Variants in CLCC1 observed in about 807,000 individuals in gnomAD.
CLCC1 encodes chloride channel CLIC like 1.
A neutral mutation model predicts 63.3 loss-of-function variants in CLCC1; 39 were observed. The observed-to-expected ratio is 0.62, with a 90% CI of 0.48 to 0.81. CLCC1 has a LOEUF of 0.81. CLCC1 is among the 30% of genes least tolerant of loss of function. The pLI, the probability that CLCC1 is intolerant of heterozygous loss-of-function variation, is 0.00. For synonymous variants in CLCC1, 217 were observed against 239.8 expected, an observed-to-expected ratio of 0.90 and a Z score of 0.88; for missense variants, 549 against 669.4, an observed-to-expected ratio of 0.82 and a Z score of 1.98.
intron 3 of CLCC1, among the ~76,000 whole-genome samples, 175 bp from the exon 4 acceptor site, chr1:108,950,096 C>A (rs1459725850): frequency 6.6e-6 from 1 of 152,232 alleles, no homozygotes; most frequent in East Asian, 1.9e-4. Context: ...GAACTAAAAT[C>A]ATATTATTTT....
chr1:108,961,833 T>TG (rs1656689110), intron 2 of CLCC1, among the ~76,000 whole-genome samples: 2 of 151,890 alleles, frequency 1.3e-5, no homozygotes, highest in Non-Finnish European at 2.9e-5. Flanking sequence ...CACTCCAGCC[T>TG]GGGCAACAAG....
At chr1:108,939,209 AATAT>A (rs2101634359) in intron 10 of CLCC1, among the ~76,000 whole-genome samples, 1 of 146,246 alleles carries the variant, frequency 6.8e-6, no homozygotes, top group East Asian at 2.0e-4. Context: ...ATAAATATAT[AATAT>A]ATAAATATAT....
chr1:108,945,351 C>T (rs1654404898), intron 5 of CLCC1, among the ~76,000 whole-genome samples: 1 of 152,152 alleles, frequency 6.6e-6, no homozygotes, highest in African/African-American at 2.4e-5. Context: ...TCACCCCTCT[C>T]CCCTCAAAAA....
At chr1:108,954,817 C>CGTGTGTGTGTGTGTGTGTGTGT (rs58482013) in intron 2 of CLCC1, among the ~76,000 whole-genome samples, 3 of 140,520 alleles carry the variant, frequency 2.1e-5, no homozygotes, top group South Asian at 2.3e-4. Flanking sequence ...ACTGTCTTTG[C>CGTGTGTGTGTGTGTGTGTGTGT]GTGTGTGTGT....
At chr1:108,963,237 C>A in intron 1 of CLCC1, 124 bp downstream of exon 1, 1 of 602,720 alleles carries the variant, frequency 1.7e-6, no homozygotes, top group South Asian at 1.8e-5. Flanking sequence ...AGCACGGTCC[C>A]CGCCCCGGGT....
At position 108,943,584 on chromosome 1, in the gene CLCC1, A is replaced by C; in HGVS notation, c.593T>G (p.Leu198Ter). ...ATATGTCCACAGCTCAGTAGCCACT[A>C]AAACCACGATGCAGAGCAGACAAAG... ...VLLCLLCIVVLVATELWTYVR... is the reference protein window; with the variant it reads ...VLLCLLCIVV Residue 198 changes from leucine to a stop codon, truncating the protein, a stop_gained, in exon 7 of 13, where the codon TTA (leucine) becomes TGA (stop). Transcript: ENST00000369969. LOFTEE classifies it high-confidence loss of function. 2 of 1,613,048 alleles carry C rather than the reference A, an allele frequency of 1.2e-6. No individual in the cohort carries two copies. Among genetic ancestry groups the C allele is most frequent in the Non-Finnish European group, 1.7e-6 (2 of 1,179,874 alleles).
Position 108,931,419 on chromosome 1 carries a change from T to C in CLCC1, c.*1128A>G, listed in dbSNP as rs1275548500. The C allele has an allele frequency of 6.4e-7, 1 of 1,551,158 alleles. No homozygotes were observed. ...CCTGGAGTAACACTGGATCACAGAC[T>C]GCAAAGGCCCACGCTTGGAACAAGT... On this transcript the variant is annotated 3_prime_UTR_variant, in exon 13 of 13. Transcript: ENST00000369969.
In CLCC1 at chr1:108,962,360, G is replaced by C. The variant is rs987339492; in HGVS notation, c.-63C>G. 2 of 152,190 alleles carry C rather than the reference G, an allele frequency of 1.3e-5. No individual in the cohort carries two copies. Among genetic ancestry groups the C allele is most frequent in the African/African-American group, 4.8e-5 (2 of 41,438 alleles). The allele number at this position is 152,190 out of a possible 1,614,324, so 9.4% of individuals were successfully genotyped here. A position where few individuals can be genotyped will look rare whatever the true frequency, so the allele number is the denominator to read the frequency against. On this transcript the variant is annotated 5_prime_UTR_variant, in exon 2 of 13. Transcript: ENST00000369969. ...TTAGACTAGAAGTACCAGGGTATAA[G>C]TCGGGAGGCTGCAACTTATTTCGTA...
Position 108,950,364 on chromosome 1 carries a change from T to C in CLCC1, c.74A>G (p.Asp25Gly). Reference protein sequence around the residue: ...AGYAHDDDWIDPTDMLNYDAA... With the variant: ...AGYAHDDDWIGPTDMLNYDAA... ...ATCATAGTTAAGCATGTCTGTGGGG[T>C]CAATCCAGTCATCATCATGAGCATA... Residue 25 changes from aspartate (D) to glycine (G), a missense_variant, in exon 3 of 13, where the codon GAC becomes GGC. By Grantham distance (94) the Asp-to-Gly change is moderately conservative. Transcript: ENST00000369969. 6.2e-7 allele frequency: 1 copy of C among 1,613,192 alleles called. No homozygotes were observed. Among genetic ancestry groups the C allele is most frequent in the Non-Finnish European group, 8.5e-7 (1 of 1,179,520 alleles).
At position 108,930,192 on chromosome 1, in the gene CLCC1, G is replaced by A. The variant is rs1651679507; in HGVS notation, c.*2355C>T. On this transcript the variant is annotated 3_prime_UTR_variant, in exon 13 of 13. Transcript: ENST00000369969. ...TGGGATGTGTTCTTTGGCAGCTTGT[G>A]AGATTACTTTACCTAGTGTTTATAA... 1 of 427,192 alleles carries A rather than the reference G, an allele frequency of 2.3e-6. No individual in the cohort carries two copies. Among genetic ancestry groups the A allele is most frequent in the South Asian group, 4.2e-5 (1 of 23,648 alleles). 26.5% of individuals were successfully genotyped at this position (427,192 alleles called of 1,614,324 possible).
At chr1:108,938,369 G>A (rs1653326564) in intron 10 of CLCC1, among the ~76,000 whole-genome samples, 1 of 152,146 alleles carries the variant, frequency 6.6e-6, no homozygotes, top group African/African-American at 2.4e-5. Flanking sequence ...TTCAGTTTCA[G>A]AGACTAAACT....
At position 108,930,030 on chromosome 1, in the gene CLCC1, A is replaced by C; in HGVS notation, c.*2517T>G. Reference sequence around the variant, plus strand: ...TAAAAGGAGAATTTATAGCACTGTAATACAGCTTAAAATATTTTTAGAATG... The same window carrying C: ...TAAAAGGAGAATTTATAGCACTGTACTACAGCTTAAAATATTTTTAGAATG... On this transcript the variant is annotated 3_prime_UTR_variant, in exon 13 of 13. Transcript: ENST00000369969. The C allele has an allele frequency of 9.0e-7, 1 of 1,108,230 alleles. No individual in the cohort carries two copies. Among genetic ancestry groups the C allele is most frequent in the African/African-American group, 1.6e-5 (1 of 64,038 alleles). 68.6% of individuals were successfully genotyped at this position (1,108,230 alleles called of 1,614,324 possible).
At chr1:108,936,094 T>G (rs1652927147) in intron 11 of CLCC1, among the ~76,000 whole-genome samples, 2 of 143,414 alleles carry the variant, frequency 1.4e-5, no homozygotes, top group South Asian at 2.4e-4. Context: ...TGTTTTTTTT[T>G]TTTTTTTTTT....
At chr1:108,955,034 T>C (rs1246676436) in intron 2 of CLCC1, among the ~76,000 whole-genome samples, 2 of 151,208 alleles carry the variant, frequency 1.3e-5, no homozygotes, top group Non-Finnish European at 2.9e-5. Flanking sequence ...GATTTCTCCA[T>C]GTTGGTCAGG....
chr1:108,937,902 C>A (rs1444067948), intron 10 of CLCC1, among the ~76,000 whole-genome samples: 1 of 152,176 alleles, frequency 6.6e-6, no homozygotes, highest in Non-Finnish European at 1.5e-5. Context: ...AAAAAGTAGG[C>A]AGCAGTTCCT....
Position 108,962,410 on chromosome 1 carries a change from T to C in CLCC1, c.-113A>G, listed in dbSNP as rs930949949. On this transcript the variant is annotated 5_prime_UTR_variant, in exon 2 of 13. An upstream start codon of the reference 5' UTR is lost. Coordinates refer to ENST00000369969, the MANE Select transcript of CLCC1 (RefSeq NM_001377458.1). ...ATGCTTATGCAGTTTCTTGGAACCATGGCTCTCAAACTTGCGAATTTGCAT... is the reference window on the plus strand; with the variant it reads ...ATGCTTATGCAGTTTCTTGGAACCACGGCTCTCAAACTTGCGAATTTGCAT... 1.3e-5 allele frequency: 2 copies of C among 152,188 alleles called. No homozygotes were observed. Among genetic ancestry groups the C allele is most frequent in the African/African-American group, 2.4e-5 (1 of 41,452 alleles). 9.4% of individuals were successfully genotyped at this position (152,188 alleles called of 1,614,324 possible). A position where few individuals can be genotyped will look rare whatever the true frequency, so the allele number is the denominator to read the frequency against.
Position 108,930,022 on chromosome 1 carries a change from G to A in CLCC1, c.*2525C>T. 8.2e-7 allele frequency: 1 copy of A among 1,217,224 alleles called. No homozygotes were observed. Among genetic ancestry groups the A allele is most frequent in the Admixed American group, 1.8e-5 (1 of 56,030 alleles). 75.4% of individuals were successfully genotyped at this position (1,217,224 alleles called of 1,614,324 possible). A position where few individuals can be genotyped will look rare whatever the true frequency, so the allele number is the denominator to read the frequency against. On this transcript the variant is annotated 3_prime_UTR_variant, in exon 13 of 13. Coordinates refer to ENST00000369969, the MANE Select transcript of CLCC1 (RefSeq NM_001377458.1). ...TTTTTCCTTAAAAGGAGAATTTATA[G>A]CACTGTAATACAGCTTAAAATATTT...
intron 9 of CLCC1, 112 bp from the exon 10 acceptor site, chr1:108,939,894 G>T: frequency 7.5e-7 from 1 of 1,334,650 alleles, no homozygotes. Context: ...TTAAAATGCT[G>T]TTGTGCCATT....
At chr1:108,945,119 A>G (rs958630910) in intron 5 of CLCC1, among the ~76,000 whole-genome samples, 3 of 152,232 alleles carry the variant, frequency 2.0e-5, no homozygotes, top group Non-Finnish European at 4.4e-5. Flanking sequence ...TTTAAAATAC[A>G]TATTGTTCAT....
Sources: allele counts gnomAD v4.1 joint callset (sites outside exome capture counted in the v4.1 genomes callset), GRCh38; gene constraint gnomAD v4.1.1; transcripts MANE v1.5; gene names NCBI Gene and HGNC (gene_info 2026-07-23, HGNC 2026-07-21).